Variants in HTR2C observed in about 807,000 individuals in gnomAD.
The protein encoded by HTR2C is 5-hydroxytryptamine (serotonin) receptor 2C, G protein-coupled.
Under a neutral mutation model 21.0 loss-of-function variants are expected in HTR2C, and 5 were observed. The ratio of observed to expected loss-of-function variants is 0.24; its 90% CI spans 0.12 to 0.50. HTR2C has a LOEUF of 0.50. HTR2C is among the 20% of genes least tolerant of loss of function. The pLI is 0.98. For missense variants in HTR2C, 271 were observed against 371.2 expected, an observed-to-expected ratio of 0.73 and a Z score of 2.22; for synonymous variants, 150 against 145.3, an observed-to-expected ratio of 1.03 and a Z score of -0.23.
chrX:114,737,499 C>T (rs1403090133), intron 4 of HTR2C, among the ~76,000 whole-genome samples: 6 of 111,080 alleles, frequency 5.4e-5, no homozygotes, highest in Non-Finnish European at 9.4e-5. Context: ...TGATTACAGG[C>T]GTGAGCCAGC....
intron 4 of HTR2C, among the ~76,000 whole-genome samples, chrX:114,740,501 A>T (rs2069634597): frequency 8.9e-6 from 1 of 111,866 alleles, no homozygotes; most frequent in South Asian, 3.7e-4. Flanking sequence ...TAATAGCAAC[A>T]TATATATGTG....
chrX:114,805,663 TATATATACACCATATATATACC>T (rs2070402302), intron 4 of HTR2C, among the ~76,000 whole-genome samples: 3 of 23,878 alleles, frequency 1.3e-4, no homozygotes, highest in Non-Finnish European at 2.5e-4. Context: ...ATATATACCA[TATATATACACCATATATATACC>T]ATATATATAC....
chrX:114,611,469 C>T (rs1468071441), intron 1 of HTR2C, among the ~76,000 whole-genome samples: 2 of 112,051 alleles, frequency 1.8e-5, no homozygotes, highest in Non-Finnish European at 3.8e-5. Flanking sequence ...TAATTTTGTA[C>T]GTATTACGTA....
chrX:114,771,244 C>T (rs2070000144), intron 4 of HTR2C, among the ~76,000 whole-genome samples: 2 of 111,725 alleles, frequency 1.8e-5, no homozygotes, highest in Admixed American at 9.6e-5. Flanking sequence ...CTCATTGCTG[C>T]TTGCCTCAGT....
chrX:114,702,493 T>C (rs1932566071), intron 2 of HTR2C, among the ~76,000 whole-genome samples: 1 of 110,366 alleles, frequency 9.1e-6, no homozygotes, highest in Admixed American at 9.8e-5. Context: ...TAAAATCTTT[T>C]ACAGACAAGC....
chrX:114,794,838 C>T (rs185181173), intron 4 of HTR2C, among the ~76,000 whole-genome samples: 87 of 109,859 alleles, frequency 7.9e-4, no homozygotes, highest in African/African-American at 2.6e-3. Context: ...AATAAACAAA[C>T]GTGTGCATGT....
At chrX:114,857,476 T>A (rs782634152) in intron 5 of HTR2C, among the ~76,000 whole-genome samples, 12 of 111,378 alleles carry the variant, frequency 1.1e-4, no homozygotes, top group African/African-American at 3.9e-4. Flanking sequence ...CTGGTATTTA[T>A]CTTTAATTCC....
intron 2 of HTR2C, among the ~76,000 whole-genome samples, chrX:114,721,851 G>C (rs1933231389): frequency 9.3e-6 from 1 of 107,291 alleles, no homozygotes; most frequent in South Asian, 4.3e-4. Context: ...TATTTCTGAG[G>C]GCTCTGTTCT....
intron 1 of HTR2C, among the ~76,000 whole-genome samples, chrX:114,595,147 A>G (rs1375148452): frequency 6.3e-5 from 7 of 111,910 alleles, no homozygotes; most frequent in Admixed American, 1.9e-4. Context: ...AGGTTAAATT[A>G]CTTATGTAAA....
At chrX:114,595,938 A>G (rs1263202642) in intron 1 of HTR2C, among the ~76,000 whole-genome samples, 1 of 109,770 alleles carries the variant, frequency 9.1e-6, no homozygotes, top group Non-Finnish European at 1.9e-5. Flanking sequence ...AAATTTTTCA[A>G]AAGAGTGCTT....
intron 4 of HTR2C, chrX:114,776,006 G>C: frequency 2.4e-6 from 1 of 410,171 alleles, no homozygotes; most frequent in Non-Finnish European, 4.3e-6. Flanking sequence ...GCGTCTTATA[G>C]CTCTCTTCTT....
chrX:114,796,042 G>A (rs1309212346), intron 4 of HTR2C, among the ~76,000 whole-genome samples: 2 of 111,281 alleles, frequency 1.8e-5, no homozygotes, highest in Admixed American at 9.6e-5. Flanking sequence ...AAGATATATA[G>A]CATATATAGA....
At chrX:114,700,557 A>G (rs1484186269) in intron 2 of HTR2C, among the ~76,000 whole-genome samples, 3 of 112,415 alleles carry the variant, frequency 2.7e-5, no homozygotes, top group Non-Finnish European at 5.6e-5. Context: ...TCAAGACTTA[A>G]GAATGAAAAA....
intron 2 of HTR2C, among the ~76,000 whole-genome samples, chrX:114,673,000 C>T (rs1931435889): frequency 1.8e-5 from 2 of 111,986 alleles, no homozygotes; most frequent in Admixed American, 9.5e-5. Flanking sequence ...ATCTCATCTT[C>T]CCCATGTGTA....
chrX:114,638,202 C>A (rs1355100570), intron 2 of HTR2C, among the ~76,000 whole-genome samples: 2 of 111,623 alleles, frequency 1.8e-5, no homozygotes, highest in Non-Finnish European at 3.8e-5. Flanking sequence ...TACTCATGCC[C>A]CAAACAATGT....
intron 5 of HTR2C, among the ~76,000 whole-genome samples, chrX:114,878,877 T>TA (rs1476058592): frequency 1.6e-4 from 2 of 12,615 alleles, no homozygotes; most frequent in African/African-American, 2.5e-4. Flanking sequence ...TAGAACATAA[T>TA]TTTTTAGAAT....
At chrX:114,883,300 T>G in intron 5 of HTR2C, among the ~76,000 whole-genome samples, 1 of 110,726 alleles carries the variant, frequency 9.0e-6, no homozygotes, top group Non-Finnish European at 1.9e-5. Flanking sequence ...ATCTATCTGT[T>G]TATCTATCAT....
Position 114,884,625 on chromosome X carries a change from A to G in HTR2C, c.551-21964A>G, listed in dbSNP as rs2071206570. On this transcript the variant is annotated intron_variant, in intron 5 of 5. Coordinates refer to ENST00000276198, the MANE Select transcript of HTR2C (RefSeq NM_000868.4). ...GAGATGACATCTGATACCTGTTCAA[A>G]TGGCTATTACCAAAAATACAAAAGA... Among the ~76,000 whole-genome samples, 3 of 111,625 alleles carry G rather than the reference A, an allele frequency of 2.7e-5. No individual in the cohort carries two copies. In the Admixed American group the frequency reaches 2.9e-4, roughly 11 times the overall value.
chrX:114,590,108 C>T (rs948269859), intron 1 of HTR2C, among the ~76,000 whole-genome samples: 7 of 111,456 alleles, frequency 6.3e-5, no homozygotes, highest in Non-Finnish European at 1.9e-5. Context: ...AAAATAGGTG[C>T]TATAAAAAGT....
Sources: allele counts gnomAD v4.1 joint callset (sites outside exome capture counted in the v4.1 genomes callset), GRCh38; gene constraint gnomAD v4.1.1; transcripts MANE v1.5; gene names NCBI Gene and HGNC (gene_info 2026-07-23, HGNC 2026-07-21).